The following GALNT13 variants were observed in gnomAD, a reference collection of about 807,000 sequenced individuals.
GALNT13 encodes the protein polypeptide N-acetylgalactosaminyltransferase 13.
A neutral mutation model predicts 64.2 loss-of-function variants in GALNT13; 28 were observed. That is an observed-to-expected ratio of 0.44 (90% confidence interval 0.32 to 0.60). GALNT13 has a LOEUF of 0.60. GALNT13 is among the 20% of genes least tolerant of loss of function. GALNT13 has a pLI of 0.05. For synonymous variants in GALNT13, 214 were observed against 224.6 expected (o/e 0.95, Z 0.42); for missense variants, 577 against 669.8 (o/e 0.86, Z 1.53).
intron 9 of GALNT13, among the ~76,000 whole-genome samples, chr2:154,352,885 C>A (rs897216605): frequency 6.6e-6 from 1 of 152,156 alleles, no homozygotes; most frequent in Admixed American, 6.5e-5. Context: ...GGGACCATCT[C>A]CTTTTGGCAG....
the GALNT13 span, among the ~76,000 whole-genome samples, chr2:153,753,977 C>T: frequency 6.6e-6 from 1 of 152,206 alleles, no homozygotes; most frequent in East Asian, 1.9e-4. Context: ...AGAGGAGCCT[C>T]GCCTCATGGC....
the GALNT13 span, among the ~76,000 whole-genome samples, chr2:153,301,877 T>TTGTGTGTGTGTG: frequency 2.5e-4 from 37 of 146,172 alleles, no homozygotes; most frequent in Non-Finnish European, 4.2e-4. Flanking sequence ...GTATTCCACT[T>TTGTGTGTGTGTG]TGTGTGTGTG....
At chr2:153,363,158 G>A in the GALNT13 span, among the ~76,000 whole-genome samples, 3 of 151,876 alleles carry the variant, frequency 2.0e-5, no homozygotes, top group East Asian at 1.9e-4. Context: ...AAATTAAGGC[G>A]GAAATCAAGA....
At chr2:153,610,543 C>T in the GALNT13 span, among the ~76,000 whole-genome samples, 5 of 151,916 alleles carry the variant, frequency 3.3e-5, 1 homozygote, top group South Asian at 6.2e-4. Flanking sequence ...GGCTTCATGG[C>T]GGGCACCTGT....
the GALNT13 span, among the ~76,000 whole-genome samples, chr2:153,576,708 G>C: frequency 6.6e-6 from 1 of 152,112 alleles, no homozygotes; most frequent in Admixed American, 6.6e-5. Flanking sequence ...GATAAAACTA[G>C]GTACTAAGAG....
chr2:153,739,231 C>G, the GALNT13 span, among the ~76,000 whole-genome samples: 1 of 151,840 alleles, frequency 6.6e-6, no homozygotes, highest in Admixed American at 6.6e-5. Context: ...AACCCGACCT[C>G]CTCTATAGAG....
chr2:153,392,370 C>T, the GALNT13 span, among the ~76,000 whole-genome samples: 2 of 151,650 alleles, frequency 1.3e-5, no homozygotes, highest in African/African-American at 4.8e-5. Context: ...GTCATAGATG[C>T]CTTAAGACCC....
rs1334207551 is a variant in GALNT13, at chr2:154,182,935, T to A, written c.311+42430T>A. Among the ~76,000 whole-genome samples the A allele has an allele frequency of 2.6e-5, 4 of 151,970 alleles. No homozygotes were observed. The East Asian group carries it at 7.7e-4, about 29-fold the overall frequency. On this transcript the variant is annotated intron_variant, in intron 4 of 12. Transcript: ENST00000392825. ...TGCTGTTGAATCCAGTTTGCTGGCA[T>A]TTTTTTCAGAATATTTGCTTTCATA... is the stretch of plus-strand genomic sequence containing the variant.
At chr2:154,003,472 G>A (rs1039313728) in intron 3 of GALNT13, among the ~76,000 whole-genome samples, 12 of 152,132 alleles carry the variant, frequency 7.9e-5, no homozygotes, top group Admixed American at 5.2e-4. Flanking sequence ...AACTCAAGGT[G>A]GCATTCTTGC....
At chr2:154,023,509 A>T (rs1241147563) in intron 3 of GALNT13, among the ~76,000 whole-genome samples, 1 of 152,102 alleles carries the variant, frequency 6.6e-6, no homozygotes, top group Non-Finnish European at 1.5e-5. Context: ...AGAGACTAGG[A>T]TTGCAACCCC....
chr2:154,403,507 C>T (rs1248056271), intron 10 of GALNT13, among the ~76,000 whole-genome samples: 1 of 151,962 alleles, frequency 6.6e-6, no homozygotes, highest in East Asian at 1.9e-4. Context: ...GTCTCTATCC[C>T]AGGTGATATG....
chr2:153,162,303 A>C, the GALNT13 span, among the ~76,000 whole-genome samples: 4 of 152,064 alleles, frequency 2.6e-5, no homozygotes, highest in Non-Finnish European at 5.9e-5. Context: ...TTTTTCATCC[A>C]TTTTTTGGAA....
chr2:153,592,141 G>A, the GALNT13 span, among the ~76,000 whole-genome samples: 7 of 152,022 alleles, frequency 4.6e-5, no homozygotes, highest in Middle Eastern at 6.8e-3. Flanking sequence ...ATGAGATATC[G>A]TCTTACAACA....
intron 8 of GALNT13, among the ~76,000 whole-genome samples, chr2:154,279,039 T>C (rs1029088038): frequency 1.3e-5 from 2 of 152,146 alleles, no homozygotes; most frequent in African/African-American, 4.8e-5. Flanking sequence ...AAAGGGATAA[T>C]TGATGAGATA....
chr2:154,408,946 T>G (rs1383054027), intron 10 of GALNT13, 38 bp from the exon 11 acceptor site: 10 of 1,262,138 alleles, frequency 7.9e-6, no homozygotes, highest in Admixed American at 5.3e-5. Context: ...ACTGTCTGAT[T>G]TATGTTTTAT....
At chr2:153,222,327 T>TGGGGGGGGGGGGGGGGGGGGGGGG in the GALNT13 span, among the ~76,000 whole-genome samples, 1 of 95,576 alleles carries the variant, frequency 1.0e-5, no homozygotes, top group African/African-American at 4.3e-5. Flanking sequence ...GGGGGGGGGG[T>TGGGGGGGGGGGGGGGGGGGGGGGG]GGGGTGGGGG....
At chr2:153,657,126 A>G in the GALNT13 span, among the ~76,000 whole-genome samples, 6 of 152,154 alleles carry the variant, frequency 3.9e-5, no homozygotes, top group Admixed American at 1.3e-4. Context: ...TAGTAAACAC[A>G]GAACATATTG....
At chr2:153,566,357 T>TTTTTTTTTTTTTTTTG in the GALNT13 span, among the ~76,000 whole-genome samples, 2 of 138,052 alleles carry the variant, frequency 1.4e-5, 1 homozygote, top group African/African-American at 5.6e-5. Context: ...CGTTTTTTTT[T>TTTTTTTTTTTTTTTTG]TTTTTTTTTT....
the GALNT13 span, among the ~76,000 whole-genome samples, chr2:153,284,044 G>C: frequency 1.3e-5 from 2 of 152,198 alleles, no homozygotes; most frequent in African/African-American, 4.8e-5. Context: ...AGCTGAGAGT[G>C]CTCTGATGCA....
Sources: allele counts gnomAD v4.1 joint callset (sites outside exome capture counted in the v4.1 genomes callset), GRCh38; gene constraint gnomAD v4.1.1; transcripts MANE v1.5; gene names NCBI Gene and HGNC (gene_info 2026-07-23, HGNC 2026-07-21).